The following GRM8 variants were observed in gnomAD, a reference collection of about 807,000 sequenced individuals.
GRM8 encodes glutamate metabotropic receptor 8, also known as metabotropic glutamate receptor 8.
A neutral mutation model predicts 87.2 loss-of-function variants in GRM8; 47 were observed. That is an observed-to-expected ratio of 0.54 (90% CI 0.43 to 0.69). The LOEUF is 0.69. Ranked by LOEUF, GRM8 falls within the 30% of genes least tolerant of loss-of-function variation. The pLI is 0.00. For synonymous variants in GRM8, 396 were observed against 404.5 expected, an observed-to-expected ratio of 0.98 and a Z score of 0.25; for missense variants, 1,019 against 1,139.2, an observed-to-expected ratio of 0.89 and a Z score of 1.52.
chr7:126,466,021 T>C (rs1284146422), intron 9 of GRM8, among the ~76,000 whole-genome samples: 1 of 151,954 alleles, frequency 6.6e-6, no homozygotes, highest in Non-Finnish European at 1.5e-5. Context: ...TTTTAAGTTA[T>C]AAATGGATAT....
chr7:126,991,792 C>G (rs1226921172), intron 3 of GRM8, among the ~76,000 whole-genome samples: 1 of 152,084 alleles, frequency 6.6e-6, no homozygotes, highest in Non-Finnish European at 1.5e-5. Context: ...TTTTTATATG[C>G]TGATACTCAG....
chr7:126,497,372 G>C (rs1300375286), intron 9 of GRM8, among the ~76,000 whole-genome samples: 2 of 151,802 alleles, frequency 1.3e-5, no homozygotes, highest in African/African-American at 4.8e-5. Flanking sequence ...TTCAAACCTG[G>C]GTATGTCTGT....
At chr7:126,919,669 A>T (rs1804304952) in intron 3 of GRM8, among the ~76,000 whole-genome samples, 1 of 151,462 alleles carries the variant, frequency 6.6e-6, no homozygotes, top group Non-Finnish European at 1.5e-5. Context: ...AATGGCTTCC[A>T]TTTTACTATT....
intron 2 of GRM8, among the ~76,000 whole-genome samples, chr7:127,124,530 C>T (rs907084234): frequency 1.3e-5 from 2 of 152,074 alleles, no homozygotes; most frequent in Admixed American, 6.6e-5. Flanking sequence ...AATATTTTTG[C>T]ACCCTTTCAT....
chr7:126,709,181 T>A (rs1810849443), intron 7 of GRM8, among the ~76,000 whole-genome samples: 1 of 152,132 alleles, frequency 6.6e-6, no homozygotes, highest in African/African-American at 2.4e-5. Flanking sequence ...CATGAAAAGA[T>A]GCTCAACATT....
chr7:126,716,077 C>T (rs565515250), intron 7 of GRM8, among the ~76,000 whole-genome samples: 1 of 152,210 alleles, frequency 6.6e-6, no homozygotes, highest in African/African-American at 2.4e-5. Context: ...AGCAGACAGA[C>T]ATATAGTAAG....
intron 8 of GRM8, among the ~76,000 whole-genome samples, chr7:126,556,337 T>TA (rs3038820): frequency 0.01 from 1,160 of 111,306 alleles, 10 homozygotes; most frequent in African/African-American, 0.025. Flanking sequence ...TTCTCCTCTT[T>TA]AAAAAAAAAA....
At chr7:126,903,565 TACACAC>T (rs35182354) in intron 5 of GRM8, among the ~76,000 whole-genome samples, 24,787 of 118,508 alleles carry the variant, frequency 0.21, 3,460 homozygotes, top group African/African-American at 0.23. Context: ...CCTAAATACA[TACACAC>T]ACACACACAC....
chr7:126,739,046 C>G (rs1347286585), intron 7 of GRM8, among the ~76,000 whole-genome samples: 3 of 151,796 alleles, frequency 2.0e-5, no homozygotes, highest in Admixed American at 6.6e-5. Flanking sequence ...GGAGAAGGAA[C>G]CAGATTCCAG....
At chr7:127,074,569 C>A (rs10278569) in intron 3 of GRM8, among the ~76,000 whole-genome samples, 2 of 152,132 alleles carry the variant, frequency 1.3e-5, no homozygotes, top group Non-Finnish European at 2.9e-5. Context: ...CAATAACCCA[C>A]GCTATCATTT....
chr7:127,055,668 T>TAC (rs71177589), intron 3 of GRM8, among the ~76,000 whole-genome samples: 3 of 151,740 alleles, frequency 2.0e-5, no homozygotes, highest in African/African-American at 2.4e-5. Context: ...TATTTATATA[T>TAC]ACACACACAC....
chr7:126,527,736 CTGA>C (rs1814084553), intron 9 of GRM8, among the ~76,000 whole-genome samples: 1 of 152,288 alleles, frequency 6.6e-6, no homozygotes, highest in Non-Finnish European at 1.5e-5. Flanking sequence ...CAACTGCTCT[CTGA>C]TGATATTTTT....
chr7:127,209,248 G>C (rs949834256), intron 2 of GRM8, among the ~76,000 whole-genome samples: 8 of 152,124 alleles, frequency 5.3e-5, no homozygotes, highest in Admixed American at 1.3e-4. Context: ...TAAGGAGCAG[G>C]GATACACAGC....
At chr7:126,863,575 T>C (rs753082954) in intron 6 of GRM8, among the ~76,000 whole-genome samples, 1 of 152,126 alleles carries the variant, frequency 6.6e-6, no homozygotes, top group Non-Finnish European at 1.5e-5. Context: ...TCTGCTCCTA[T>C]AACCACCACA....
intron 7 of GRM8, among the ~76,000 whole-genome samples, chr7:126,636,429 T>A (rs907633011): frequency 3.9e-5 from 6 of 152,102 alleles, no homozygotes; most frequent in Non-Finnish European, 8.8e-5. Context: ...AAATTACTTA[T>A]ACCTAATACA....
At chr7:126,894,891 C>T (rs933451364) in intron 6 of GRM8, among the ~76,000 whole-genome samples, 2 of 152,056 alleles carry the variant, frequency 1.3e-5, no homozygotes, top group Non-Finnish European at 2.9e-5. Context: ...AGTGAGGAAA[C>T]TGAGCTAAAT....
intron 3 of GRM8, among the ~76,000 whole-genome samples, chr7:126,951,466 C>A (rs1808150816): frequency 6.6e-6 from 1 of 151,846 alleles, no homozygotes; most frequent in African/African-American, 2.4e-5. Flanking sequence ...TGATGAGGAT[C>A]CAAAATGCAA....
At position 126,819,628 on chromosome 7, in the gene GRM8, C is replaced by T. The variant is rs934620594; in HGVS notation, c.1157-49563G>A. ...TCATTAAATGTTAAAGATGCCATTT[C>T]GACTTCATTTAATTTTATTGGAATT... On this transcript the variant is annotated intron_variant, in intron 6 of 10. Coordinates refer to ENST00000339582, the MANE Select transcript of GRM8 (RefSeq NM_000845.3). Among the ~76,000 whole-genome samples, 14 of 152,048 alleles carry T rather than the reference C, an allele frequency of 9.2e-5. No individual in the cohort carries two copies. The East Asian group carries it at 9.7e-4, about 10-fold the overall frequency.
intron 6 of GRM8, among the ~76,000 whole-genome samples, chr7:126,833,189 G>A (rs1435261845): frequency 1.3e-5 from 2 of 152,178 alleles, no homozygotes; most frequent in Admixed American, 1.3e-4. Flanking sequence ...TGCACCAAAT[G>A]CAGCTGGTGG....
Sources: allele counts gnomAD v4.1 joint callset (sites outside exome capture counted in the v4.1 genomes callset), GRCh38; gene constraint gnomAD v4.1.1; transcripts MANE v1.5; gene names NCBI Gene and HGNC (gene_info 2026-07-23, HGNC 2026-07-21).